PDE8A: variants seen among roughly 807,000 people sequenced by gnomAD.
The protein encoded by PDE8A is phosphodiesterase 8A, also known as high affinity cAMP-specific and IBMX-insensitive 3',5'-cyclic phosphodiesterase 8A.
Under a neutral mutation model 105.0 loss-of-function variants are expected in PDE8A, and 59 were observed. The observed-to-expected ratio is 0.56, with a 90% CI of 0.46 to 0.70. The LOEUF is 0.70. PDE8A is among the 30% of genes least tolerant of loss of function. The pLI is 0.00. For synonymous variants in PDE8A, 355 were observed against 371.9 expected (o/e 0.95, Z 0.52); for missense variants, 1,014 against 1,045.9 (o/e 0.97, Z 0.42).
chr15:85,016,223 C>A (rs1348672626), intron 1 of PDE8A, among the ~76,000 whole-genome samples: 1 of 151,982 alleles, frequency 6.6e-6, no homozygotes, highest in Non-Finnish European at 1.5e-5. Context: ...ACAATATTTC[C>A]CCTAATATCT....
intron 17 of PDE8A, among the ~76,000 whole-genome samples, chr15:85,119,786 A>G (rs1001664763): frequency 3.3e-5 from 5 of 152,298 alleles, no homozygotes; most frequent in Non-Finnish European, 5.9e-5. Context: ...CAACAAAGAA[A>G]TAAAACCAAA....
intron 1 of PDE8A, among the ~76,000 whole-genome samples, chr15:85,036,287 C>T (rs1229183829): frequency 1.3e-5 from 2 of 152,142 alleles, no homozygotes; most frequent in East Asian, 3.8e-4. Context: ...AATTCAAAGA[C>T]CCTGGCTGCC....
intron 1 of PDE8A, among the ~76,000 whole-genome samples, chr15:85,024,710 C>T (rs2080485180): frequency 6.6e-6 from 1 of 152,230 alleles, no homozygotes; most frequent in Non-Finnish European, 1.5e-5. Context: ...TTTGCCCATG[C>T]ATTTCATTCC....
chr15:85,016,595 C>A (rs1003701272), intron 1 of PDE8A, among the ~76,000 whole-genome samples: 1 of 152,216 alleles, frequency 6.6e-6, no homozygotes, highest in Non-Finnish European at 1.5e-5. Flanking sequence ...ATTCCTCTCT[C>A]TTTTCTTTCC....
chr15:85,066,991 GTGTT>G lies in PDE8A; in HGVS notation c.244-19_244-16del, dbSNP rs745949640. ...ATTCTAACATCTTTTTTTAAAAAAA[GTGTT>G]TGTGCTCTTTTGATTCAGGTACTTT... is the stretch of plus-strand genomic sequence containing the variant. On this transcript the variant is annotated intron_variant, in intron 2 of 21. Coordinates refer to ENST00000394553, the MANE Select transcript of PDE8A (RefSeq NM_002605.3). The G allele has an allele frequency of 3.1e-5, 47 of 1,520,788 alleles. No individual in the cohort carries two copies. The Middle Eastern group carries it at 5.2e-4, about 17-fold the overall frequency. The allele number at this position is 1,520,788 out of a possible 1,614,324, so 94.2% of individuals were successfully genotyped here.
chr15:85,015,145 G>A (rs289420), intron 1 of PDE8A, among the ~76,000 whole-genome samples: 111,497 of 152,068 alleles, frequency 0.73, 41,011 homozygotes, highest in Non-Finnish European at 0.77. Flanking sequence ...GTGCTCCACC[G>A]GCTTGATCTG....
At position 85,076,713 on chromosome 15, in the gene PDE8A, T is replaced by C; in HGVS notation, c.492-20T>C. 6.6e-7 allele frequency: 1 copy of C among 1,522,884 alleles called. No individual in the cohort carries two copies. Among genetic ancestry groups the C allele is most frequent in the Non-Finnish European group, 9.1e-7 (1 of 1,096,908 alleles). 94.3% of individuals were successfully genotyped at this position (1,522,884 alleles called of 1,614,324 possible). On this transcript the variant is annotated intron_variant, in intron 4 of 21. Coordinates refer to ENST00000394553, the MANE Select transcript of PDE8A (RefSeq NM_002605.3). ...ATTGATAAAAACTATGTCTATGTTC[T>C]TTACTGTGTTATTTTGAAGGGTGGA...
intron 3 of PDE8A, among the ~76,000 whole-genome samples, chr15:85,073,953 C>G (rs890891213): frequency 6.6e-6 from 1 of 152,144 alleles, no homozygotes; most frequent in Non-Finnish European, 1.5e-5. Context: ...CCTGAGGTGG[C>G]GTGTCTGCAA....
At chr15:84,995,712 A>G (rs2079965261) in intron 1 of PDE8A, among the ~76,000 whole-genome samples, 1 of 152,226 alleles carries the variant, frequency 6.6e-6, no homozygotes. Flanking sequence ...ATATTACACG[A>G]TTAACTTTTA....
At chr15:85,025,145 C>A (rs988248525) in intron 1 of PDE8A, among the ~76,000 whole-genome samples, 10 of 152,176 alleles carry the variant, frequency 6.6e-5, no homozygotes, top group Non-Finnish European at 7.4e-5. Context: ...ATGCTCTTCA[C>A]ATCCTAAGGC....
At chr15:85,112,133 T>G (rs972343689) in intron 12 of PDE8A, among the ~76,000 whole-genome samples, 1 of 152,224 alleles carries the variant, frequency 6.6e-6, no homozygotes, top group African/African-American at 2.4e-5. Flanking sequence ...TATACTTTTT[T>G]TCTTACCTTA....
Position 85,120,812 on chromosome 15 carries a change from A to G in PDE8A, c.1750A>G (p.Ile584Val). 1.9e-6 allele frequency: 3 copies of G among 1,607,148 alleles called. No homozygotes were observed. Among genetic ancestry groups the G allele is most frequent in the South Asian group, 2.2e-5 (2 of 89,584 alleles). Residue 584 changes from isoleucine (I) to valine (V), a missense_variant, in exon 18 of 22, where the codon ATT becomes GTT. Ile to Val is a conservative substitution (Grantham distance 29). Transcript: ENST00000394553. ...TTGTTTTCAGGAAACTTTAGATCCA[A>G]TTGATGAGGTCGCTGCACTCATCGC... ...KERIKETLDP[I>V]DEVAALIAAT...
At position 85,120,863 on chromosome 15, in the gene PDE8A, C is replaced by T. The variant is rs1357050229; in HGVS notation, c.1801C>T (p.Pro601Ser). The T allele has an allele frequency of 6.2e-7, 1 of 1,614,036 alleles. No homozygotes were observed. The highest frequency in any genetic ancestry group is 8.5e-7 in the Non-Finnish European group (1 of 1,179,922). The stretch of plus-strand genomic sequence containing the variant: ...AGCCACCATTCATGATGTGGATCAC[C>T]CTGGGAGAACCAACTCCTTCCTGTG... Reference protein sequence around the residue: ...IAATIHDVDHPGRTNSFLCNA... With the variant: ...IAATIHDVDHSGRTNSFLCNA... Residue 601 changes from proline to serine, a missense_variant, in exon 18 of 22, where the codon CCT becomes TCT. Pro to Ser is a moderately conservative substitution (Grantham distance 74). Transcript: ENST00000394553.
chr15:85,117,467 A>G (rs770478786), intron 16 of PDE8A, among the ~76,000 whole-genome samples, 174 bp from the exon 17 acceptor site: 41 of 152,156 alleles, frequency 2.7e-4, no homozygotes, highest in Non-Finnish European at 4.7e-4. Context: ...CCTGAGGGCA[A>G]GAAGTGGAAC....
At chr15:85,064,260 C>T (rs2081187607) in intron 1 of PDE8A, 110 bp from the exon 2 acceptor site, 2 of 686,246 alleles carry the variant, frequency 2.9e-6, no homozygotes, top group East Asian at 5.4e-5. Context: ...CTTTATTTGC[C>T]TCTAGAATAG....
At chr15:85,087,510 T>C (rs760249885) in intron 6 of PDE8A, among the ~76,000 whole-genome samples, 1 of 152,228 alleles carries the variant, frequency 6.6e-6, no homozygotes, top group African/African-American at 2.4e-5. Flanking sequence ...AGCATTGTTA[T>C]TTTTAGAGTT....
intron 1 of PDE8A, among the ~76,000 whole-genome samples, chr15:84,987,258 C>T (rs1270161874): frequency 6.6e-6 from 1 of 152,140 alleles, no homozygotes; most frequent in Non-Finnish European, 1.5e-5. Context: ...TACTTACTGT[C>T]ATTGCCACCA....
In PDE8A at chr15:85,131,215, T is replaced by C. The variant is rs145606384; in HGVS notation, c.2253+4841T>C. Among the ~76,000 whole-genome samples the C allele has an allele frequency of 1.9e-3, 283 of 152,350 alleles. 2 individuals carry two copies. The highest frequency in any genetic ancestry group is 1.6e-3 in the Non-Finnish European group (109 of 68,036). On this transcript the variant is annotated intron_variant, in intron 20 of 21. Coordinates refer to ENST00000394553, the MANE Select transcript of PDE8A (RefSeq NM_002605.3). Reference sequence around the variant, plus strand: ...TGATTTTCTTGTAGATAGAATGTAGTTGGATCATGTTTTCTTATCCATTCT... The same window carrying C: ...TGATTTTCTTGTAGATAGAATGTAGCTGGATCATGTTTTCTTATCCATTCT...
chr15:85,015,439 C>T (rs2080309121), intron 1 of PDE8A, among the ~76,000 whole-genome samples: 1 of 152,128 alleles, frequency 6.6e-6, no homozygotes, highest in East Asian at 1.9e-4. Flanking sequence ...AACTACTGGG[C>T]TCAAGCAACC....
Sources: gnomAD v4.1 joint callset for allele counts (sites outside exome capture counted in the v4.1 genomes callset) on GRCh38, gnomAD v4.1.1 for gene constraint, MANE v1.5 for transcripts, NCBI Gene and HGNC (gene_info 2026-07-23, HGNC 2026-07-21) for gene names.